SLX4IP: variants seen among roughly 807,000 people sequenced by gnomAD.
The protein encoded by SLX4IP is protein SLX4IP.
Under a neutral mutation model 32.9 loss-of-function variants are expected in SLX4IP, and 34 were observed. The ratio of observed to expected loss-of-function variants is 1.03; its 90% confidence interval spans 0.79 to 1.38. The LOEUF (loss-of-function observed/expected upper bound fraction) is 1.38, where lower values mean the gene tolerates loss of function less well. Ranked by LOEUF, SLX4IP falls within the 40% of genes most tolerant of loss-of-function variation. The probability of loss-of-function intolerance (pLI) is 0.00; values close to 1 mark genes in which losing one functional copy is unlikely to be tolerated. For missense variants in SLX4IP, 444 were observed against 479.0 expected, an observed-to-expected ratio of 0.93 and a Z score of 0.68; for synonymous variants, 172 against 171.7, an observed-to-expected ratio of 1.00 and a Z score of -0.01.
intron 2 of SLX4IP, among the ~76,000 whole-genome samples, chr20:10,507,034 G>A (rs974235816): frequency 6.6e-6 from 1 of 152,152 alleles, no homozygotes; most frequent in Admixed American, 6.5e-5. Flanking sequence ...GGGGCGGTGA[G>A]AACACTTAAA....
chr20:10,514,321 G>A (rs2065833274), intron 2 of SLX4IP, among the ~76,000 whole-genome samples: 1 of 152,158 alleles, frequency 6.6e-6, no homozygotes, highest in Non-Finnish European at 1.5e-5. Context: ...GTTCGTTTTG[G>A]CATCAGGACA....
At chr20:10,527,156 G>A (rs1413230687) in intron 2 of SLX4IP, among the ~76,000 whole-genome samples, 1 of 152,148 alleles carries the variant, frequency 6.6e-6, no homozygotes, top group East Asian at 1.9e-4. Flanking sequence ...CATAAACTAG[G>A]CCCTATGCTA....
chr20:10,506,140 G>A (rs987944931), intron 2 of SLX4IP, among the ~76,000 whole-genome samples: 3 of 152,148 alleles, frequency 2.0e-5, no homozygotes, highest in African/African-American at 4.8e-5. Context: ...GAGCAAACCC[G>A]GAGAACCTCA....
intron 2 of SLX4IP, among the ~76,000 whole-genome samples, chr20:10,475,358 T>C (rs759847187): frequency 5.3e-5 from 8 of 152,214 alleles, no homozygotes; most frequent in Non-Finnish European, 1.2e-4. Flanking sequence ...AATAACTAGC[T>C]TAGACTAGCG....
intron 4 of SLX4IP, among the ~76,000 whole-genome samples, chr20:10,586,483 A>C (rs918861866): frequency 6.6e-6 from 1 of 152,220 alleles, no homozygotes; most frequent in Non-Finnish European, 1.5e-5. Context: ...AAAATTAATC[A>C]GTCACAAGGA....
intron 4 of SLX4IP, among the ~76,000 whole-genome samples, chr20:10,566,807 C>T (rs56126043): frequency 1.2e-4 from 18 of 152,222 alleles, no homozygotes; most frequent in African/African-American, 4.1e-4. Flanking sequence ...TTGTCAGAAT[C>T]GCAGTGGTGG....
intron 2 of SLX4IP, among the ~76,000 whole-genome samples, chr20:10,545,248 C>A (rs1396952555): frequency 6.6e-6 from 1 of 152,104 alleles, no homozygotes; most frequent in Non-Finnish European, 1.5e-5. Flanking sequence ...TACAAACAGG[C>A]CTAGCACTTG....
At chr20:10,579,514 G>A (rs866220286) in intron 4 of SLX4IP, among the ~76,000 whole-genome samples, 13 of 147,618 alleles carry the variant, frequency 8.8e-5, no homozygotes, top group African/African-American at 3.3e-4. Flanking sequence ...TGCAACCTCC[G>A]CCTCCCAGGT....
At chr20:10,591,215 G>A (rs1053156342) in intron 4 of SLX4IP, among the ~76,000 whole-genome samples, 1 of 152,188 alleles carries the variant, frequency 6.6e-6, no homozygotes, top group Admixed American at 6.5e-5. Flanking sequence ...ACATAGGTAG[G>A]TATAGCATCT....
rs796576667 is a variant in SLX4IP at position 10,613,429 on chromosome 20, A to C, written c.406-7885A>C. On this transcript the variant is annotated intron_variant, in intron 6 of 7. Transcript: ENST00000334534. The stretch of plus-strand genomic sequence containing the variant: ...ACACCTAAGGACCTTTGAAGAGAAA[A>C]ATTCCATTATTTCTTTTTTTTCTTG... 8 of 1,586,422 alleles carry C rather than the reference A, an allele frequency of 5.0e-6. 1 individual carries two copies. The African/African-American group carries it at 1.1e-4, about 21-fold the overall frequency.
chr20:10,507,511 C>T (rs672272), intron 2 of SLX4IP, among the ~76,000 whole-genome samples: 82,611 of 151,610 alleles, frequency 0.54, 23,104 homozygotes, highest in South Asian at 0.72. Context: ...CATAAGAGTT[C>T]AGAGAGGAGA....
intron 2 of SLX4IP, among the ~76,000 whole-genome samples, chr20:10,474,749 A>G (rs1270751581): frequency 6.6e-6 from 1 of 152,182 alleles, no homozygotes; most frequent in Non-Finnish European, 1.5e-5. Flanking sequence ...AGTGAAAAGC[A>G]GTTTATTCCA....
chr20:10,459,900 C>G (rs6039950), intron 2 of SLX4IP, among the ~76,000 whole-genome samples: 74,923 of 152,054 alleles, frequency 0.49, 19,945 homozygotes, highest in Non-Finnish European at 0.6. Flanking sequence ...GTATGCTAGT[C>G]TTACCATAAG....
At chr20:10,547,053 C>A (rs2066169342) in intron 2 of SLX4IP, among the ~76,000 whole-genome samples, 1 of 152,196 alleles carries the variant, frequency 6.6e-6, no homozygotes, top group Admixed American at 6.5e-5. Flanking sequence ...ACATGGTTGA[C>A]CATTGCTTTA....
chr20:10,520,039 ATTTTTCT>A (rs1208868157), intron 2 of SLX4IP, among the ~76,000 whole-genome samples: 1 of 151,556 alleles, frequency 6.6e-6, no homozygotes, highest in Non-Finnish European at 1.5e-5. Context: ...TCTTGTGCCC[ATTTTTCT>A]TTTTTCTTTT....
intron 6 of SLX4IP, among the ~76,000 whole-genome samples, chr20:10,616,848 G>C (rs1328765306): frequency 6.6e-6 from 1 of 152,122 alleles, no homozygotes; most frequent in African/African-American, 2.4e-5. Context: ...TTGTTTGTTT[G>C]TTGTCTTCTC....
At chr20:10,544,500 C>T (rs761391560) in intron 2 of SLX4IP, among the ~76,000 whole-genome samples, 1 of 152,212 alleles carries the variant, frequency 6.6e-6, no homozygotes, top group Admixed American at 6.5e-5. Flanking sequence ...ATTCTCCCAC[C>T]TCAGCCTCCT....
intron 2 of SLX4IP, among the ~76,000 whole-genome samples, chr20:10,520,676 G>A (rs2065895023): frequency 6.6e-6 from 1 of 152,116 alleles, no homozygotes; most frequent in African/African-American, 2.4e-5. Context: ...TTCATTTTGA[G>A]TTAATTTCTG....
intron 4 of SLX4IP, among the ~76,000 whole-genome samples, chr20:10,590,352 T>G (rs565058622): frequency 4.6e-5 from 7 of 152,022 alleles, no homozygotes; most frequent in African/African-American, 1.4e-4. Flanking sequence ...ATGTATGTAT[T>G]TATTTATTTT....
Sources: allele counts gnomAD v4.1 joint callset (sites outside exome capture counted in the v4.1 genomes callset), GRCh38; gene constraint gnomAD v4.1.1; transcripts MANE v1.5; gene names NCBI Gene and HGNC (gene_info 2026-07-23, HGNC 2026-07-21).